The following CBL variants were observed in gnomAD, a reference collection of about 807,000 sequenced individuals.
CBL encodes the protein Cbl proto-oncogene.
CBL carries 45 observed loss-of-function variants against 96.9 expected under a neutral mutation model. The observed-to-expected ratio is 0.46, with a 90% CI of 0.37 to 0.60. CBL has a LOEUF of 0.60. CBL is among the 20% of genes least tolerant of loss of function. CBL has a pLI of 0.00. For synonymous variants in CBL, 420 were observed against 426.8 expected, an observed-to-expected ratio of 0.98 and a Z score of 0.20; for missense variants, 1,024 against 1,143.5, an observed-to-expected ratio of 0.90 and a Z score of 1.51.
intron 2 of CBL, among the ~76,000 whole-genome samples, chr11:119,249,368 C>G (rs574732467): frequency 1.3e-5 from 2 of 151,982 alleles, no homozygotes; most frequent in South Asian, 4.2e-4. Flanking sequence ...CCAGCCTGGC[C>G]AACATGGAAA....
At position 119,278,683 on chromosome 11, in the gene CBL, C is replaced by A. The variant is rs994318998; in HGVS notation, c.1401C>A (p.Leu467=). 1 of 1,613,986 alleles carries A rather than the reference C, an allele frequency of 6.2e-7. No individual in the cohort carries two copies. Among genetic ancestry groups the A allele is most frequent in the African/African-American group, 1.3e-5 (1 of 74,904 alleles). ...ATGATGAACGAGCTGATGATACTCT[C>A]TTCATGATGAAGGAATTGGCTGGTG... ...DDDDERADDT[L]FMMKELAGAK... is the part of the protein sequence containing the mutation. Residue 467 remains leucine (L), a synonymous_variant, in exon 9 of 16, where the codon CTC becomes CTA. Coordinates refer to ENST00000264033, the MANE Select transcript of CBL (RefSeq NM_005188.4).
At chr11:119,227,414 T>A (rs1367774174) in intron 1 of CBL, among the ~76,000 whole-genome samples, 1 of 152,224 alleles carries the variant, frequency 6.6e-6, no homozygotes, top group African/African-American at 2.4e-5. Flanking sequence ...TTTGGGCTAC[T>A]CTTCTGCTGT....
rs1277000503 is a variant in CBL, at chr11:119,302,652, G to A, written c.*2871G>A. ...ATTGCTTTCCAAGCTGCCTTGTTGCGGGGTTGCTGCAGAGCAGCAACTGGA... is the reference window on the plus strand; with the variant it reads ...ATTGCTTTCCAAGCTGCCTTGTTGCAGGGTTGCTGCAGAGCAGCAACTGGA... On this transcript the variant is annotated 3_prime_UTR_variant, in exon 16 of 16. Coordinates refer to ENST00000264033, the MANE Select transcript of CBL (RefSeq NM_005188.4). 8.7e-6 allele frequency: 2 copies of A among 231,082 alleles called. No homozygotes were observed. The highest frequency in any genetic ancestry group is 6.1e-5 in the East Asian group (1 of 16,344). The allele number at this position is 231,082 out of a possible 1,614,324, so 14.3% of individuals were successfully genotyped here.
intron 2 of CBL, among the ~76,000 whole-genome samples, chr11:119,250,272 C>T (rs541449221): frequency 1.3e-5 from 2 of 152,132 alleles, no homozygotes; most frequent in South Asian, 4.1e-4. Flanking sequence ...GATTTTTTTC[C>T]TCTCTTGTCC....
intron 2 of CBL, among the ~76,000 whole-genome samples, chr11:119,245,497 G>A (rs1391105165): frequency 6.6e-6 from 1 of 152,114 alleles, no homozygotes; most frequent in Non-Finnish European, 1.5e-5. Flanking sequence ...GGGAGACCGA[G>A]GCAGGTGGAT....
intron 9 of CBL, among the ~76,000 whole-genome samples, chr11:119,281,074 A>AG (rs1375295176): frequency 6.6e-6 from 1 of 152,200 alleles, no homozygotes; most frequent in African/African-American, 2.4e-5. Flanking sequence ...AAAATCTGTT[A>AG]GTATAGTAGT....
intron 1 of CBL, among the ~76,000 whole-genome samples, chr11:119,208,392 C>CTT (rs1219956349): frequency 1.4e-5 from 2 of 143,520 alleles, no homozygotes; most frequent in Non-Finnish European, 1.5e-5. Context: ...ATTCTGTATT[C>CTT]TTTTTTTTTT....
intron 5 of CBL, 66 bp downstream of exon 5, chr11:119,275,019 TA>T: frequency 1.9e-6 from 3 of 1,568,660 alleles, no homozygotes; most frequent in Non-Finnish European, 2.6e-6. Context: ...TCTGCTAGTA[TA>T]GAAGAAACAT....
intron 1 of CBL, among the ~76,000 whole-genome samples, chr11:119,214,285 G>T (rs1184544164): frequency 3.3e-5 from 5 of 151,514 alleles, no homozygotes; most frequent in Non-Finnish European, 7.4e-5. Flanking sequence ...CTGTCACCCA[G>T]GCTGGCGTAC....
intron 1 of CBL, among the ~76,000 whole-genome samples, chr11:119,224,065 A>C (rs1023879025): frequency 6.6e-6 from 1 of 152,164 alleles, no homozygotes; most frequent in Admixed American, 6.6e-5. Context: ...ATGATGATTC[A>C]TTTTCAAAAG....
chr11:119,262,350 C>T (rs1192183194), intron 2 of CBL, among the ~76,000 whole-genome samples: 1 of 152,116 alleles, frequency 6.6e-6, no homozygotes, highest in Non-Finnish European at 1.5e-5. Flanking sequence ...TAGATAAAAA[C>T]ATTAGTGGAA....
intron 1 of CBL, among the ~76,000 whole-genome samples, chr11:119,212,928 A>G (rs1448487284): frequency 6.6e-6 from 1 of 150,864 alleles, no homozygotes; most frequent in Middle Eastern, 3.4e-3. Context: ...AGCCAAGATC[A>G]TGCTACTGAC....
At position 119,285,067 on chromosome 11, in the gene CBL, C is replaced by G. The variant is rs747715766; in HGVS notation, c.1530C>G (p.Pro510=). 2.5e-6 allele frequency: 4 copies of G among 1,614,080 alleles called. No homozygotes were observed. Among genetic ancestry groups the G allele is most frequent in the African/African-American group, 2.7e-5 (2 of 74,930 alleles). Residue 510 remains proline (P), a synonymous_variant, in exon 10 of 16, where the codon CCC becomes CCG. Transcript: ENST00000264033. The part of the protein sequence containing the change: ...LDLLPQRVCV[P]SSASALGTAS... The stretch of plus-strand genomic sequence containing the variant: ...TTCTGCCGCAGCGAGTATGTGTTCC[C>G]TCAAGTGCTTCTGCTCTTGGAACTG...
chr11:119,230,372 C>T (rs531063384), intron 1 of CBL, among the ~76,000 whole-genome samples: 1 of 151,960 alleles, frequency 6.6e-6, no homozygotes, highest in Admixed American at 6.6e-5. Flanking sequence ...GATCTCCTGA[C>T]CTCGTGATCC....
intron 9 of CBL, among the ~76,000 whole-genome samples, chr11:119,283,835 C>G (rs1949958906): frequency 6.6e-6 from 1 of 151,404 alleles, no homozygotes; most frequent in Non-Finnish European, 1.5e-5. Flanking sequence ...GACGGGGTTT[C>G]ACCGTGTTAG....
rs548865234 is a variant in CBL at position 119,299,949 on chromosome 11, T to C, written c.*168T>C. On this transcript the variant is annotated 3_prime_UTR_variant, in exon 16 of 16. Coordinates refer to ENST00000264033, the MANE Select transcript of CBL (RefSeq NM_005188.4). ...AGATTTCAAAGTGGTGAAATGAAAATGGAGCAGCTAGTATGTTTTATTATT... is the reference window on the plus strand; with the variant it reads ...AGATTTCAAAGTGGTGAAATGAAAACGGAGCAGCTAGTATGTTTTATTATT... 1.2e-4 allele frequency: 90 copies of C among 737,884 alleles called. No homozygotes were observed. The highest frequency in any genetic ancestry group is 1.1e-3 in the South Asian group (74 of 65,468). 45.7% of individuals were successfully genotyped at this position (737,884 alleles called of 1,614,324 possible). A position where few individuals can be genotyped will look rare whatever the true frequency, so the allele number is the denominator to read the frequency against.
chr11:119,273,747 T>C (rs1565870884), intron 3 of CBL, 121 bp from the exon 4 acceptor site: 5 of 852,694 alleles, frequency 5.9e-6, no homozygotes, highest in Non-Finnish European at 5.7e-6. Flanking sequence ...TATTTTGAAT[T>C]ACGAGAATTG....
At chr11:119,249,989 C>T (rs1228002817) in intron 2 of CBL, among the ~76,000 whole-genome samples, 1 of 152,114 alleles carries the variant, frequency 6.6e-6, no homozygotes, top group Non-Finnish European at 1.5e-5. Context: ...CTTTGTCACT[C>T]ATAGATTTAA....
intron 2 of CBL, among the ~76,000 whole-genome samples, chr11:119,233,283 C>G (rs911881147): frequency 3.3e-5 from 5 of 152,090 alleles, no homozygotes; most frequent in Non-Finnish European, 7.4e-5. Flanking sequence ...CAGAGTCTGG[C>G]TCTGTCGCCC....
Sources: gnomAD v4.1 joint callset for allele counts (sites outside exome capture counted in the v4.1 genomes callset) on GRCh38, gnomAD v4.1.1 for gene constraint, MANE v1.5 for transcripts, NCBI Gene and HGNC (gene_info 2026-07-23, HGNC 2026-07-21) for gene names.